The following MACROD2 variants were observed in gnomAD, a reference collection of about 807,000 sequenced individuals.
MACROD2 encodes ADP-ribose glycohydrolase MACROD2.
MACROD2 carries 36 observed loss-of-function variants against 70.4 expected under a neutral mutation model. The observed-to-expected ratio is 0.51, with a 90% confidence interval of 0.39 to 0.68. MACROD2 has a LOEUF of 0.68. Ranked by LOEUF, MACROD2 falls within the 30% of genes least tolerant of loss-of-function variation. MACROD2 has a pLI of 0.00. For synonymous variants in MACROD2, 172 were observed against 178.8 expected (o/e 0.96, Z 0.30); for missense variants, 496 against 538.4 (o/e 0.92, Z 0.78).
At chr20:15,755,005 T>C (rs537596910) in intron 8 of MACROD2, among the ~76,000 whole-genome samples, 102 of 152,152 alleles carry the variant, frequency 6.7e-4, no homozygotes, top group African/African-American at 2.4e-3. Flanking sequence ...ATTACAGGTG[T>C]GTACCACCAC....
intron 7 of MACROD2, among the ~76,000 whole-genome samples, chr20:15,490,460 T>C (rs1422374625): frequency 6.6e-6 from 1 of 152,022 alleles, no homozygotes; most frequent in African/African-American, 2.4e-5. Context: ...AAGATCTCTC[T>C]ATGTTGCCAA....
chr20:16,008,049 C>T (rs1001883443), intron 15 of MACROD2, among the ~76,000 whole-genome samples: 2 of 152,156 alleles, frequency 1.3e-5, no homozygotes, highest in Admixed American at 6.5e-5. Context: ...CACTATCTTT[C>T]GCAGGAGTTC....
intron 8 of MACROD2, among the ~76,000 whole-genome samples, chr20:15,852,170 T>A (rs1001947077): frequency 1.3e-5 from 2 of 152,192 alleles, no homozygotes; most frequent in Non-Finnish European, 2.9e-5. Flanking sequence ...TTGATCAATA[T>A]GAGGCAGGCT....
intron 5 of MACROD2, among the ~76,000 whole-genome samples, chr20:14,831,721 A>G (rs546929786): frequency 1.6e-5 from 2 of 123,590 alleles, no homozygotes; most frequent in Non-Finnish European, 3.2e-5. Flanking sequence ...CGGAGGTTGC[A>G]GTGAGCTGAG....
At position 15,719,548 on chromosome 20, in the gene MACROD2, A is replaced by G. The variant is rs538203079; in HGVS notation, c.646-143197A>G. Reference sequence around the variant, plus strand: ...AATGACCAATTTTAACTAAGCTTCAATGAAATGACCCACTTAATAAATTTA... The same window carrying G: ...AATGACCAATTTTAACTAAGCTTCAGTGAAATGACCCACTTAATAAATTTA... On this transcript the variant is annotated intron_variant, in intron 8 of 17. Transcript: ENST00000684519. Among the ~76,000 whole-genome samples the G allele has an allele frequency of 4.6e-5, 7 of 152,344 alleles. No individual in the cohort carries two copies. In the East Asian group the frequency reaches 7.7e-4, roughly 17 times the overall value.
At chr20:14,382,499 T>G (rs904140541) in intron 3 of MACROD2, among the ~76,000 whole-genome samples, 2 of 151,732 alleles carry the variant, frequency 1.3e-5, no homozygotes, top group African/African-American at 4.8e-5. Context: ...AGAAACCCTG[T>G]CTCTACTAAA....
In MACROD2 at chr20:14,351,814, C is replaced by G. The variant is rs1650107874; in HGVS notation, c.272-141665C>G. On this transcript the variant is annotated intron_variant, in intron 3 of 17. Coordinates refer to ENST00000684519, the MANE Select transcript of MACROD2 (RefSeq NM_001351661.2). ...GAGAGTGGGCATCCTTGTCATGTTACAGATCTAAAAGGAAAGGCTTTCCTC... is the reference window on the plus strand; with the variant it reads ...GAGAGTGGGCATCCTTGTCATGTTAGAGATCTAAAAGGAAAGGCTTTCCTC... Among the ~76,000 whole-genome samples the G allele has an allele frequency of 3.3e-5, 5 of 152,236 alleles. 1 individual carries two copies. In the South Asian group the frequency reaches 1.0e-3, roughly 32 times the overall value.
intron 6 of MACROD2, among the ~76,000 whole-genome samples, chr20:15,382,517 A>G (rs1392349087): frequency 6.6e-6 from 1 of 152,240 alleles, no homozygotes; most frequent in African/African-American, 2.4e-5. Flanking sequence ...TATTAATTGT[A>G]TGAATAAACG....
intron 2 of MACROD2, among the ~76,000 whole-genome samples, chr20:14,027,602 C>T (rs993198010): frequency 2.0e-4 from 30 of 152,024 alleles, no homozygotes; most frequent in Non-Finnish European, 3.4e-4. Flanking sequence ...GTGATGTGGA[C>T]GTCCTTTTTG....
intron 11 of MACROD2, 120 bp from the exon 12 acceptor site, chr20:15,937,356 A>G: frequency 1.2e-6 from 1 of 835,326 alleles, no homozygotes; most frequent in Non-Finnish European, 2.0e-6. Flanking sequence ...AGTGTATTCA[A>G]GCATGCGGCA....
intron 5 of MACROD2, among the ~76,000 whole-genome samples, chr20:15,184,918 A>G (rs2076524659): frequency 6.6e-6 from 1 of 152,174 alleles, no homozygotes; most frequent in African/African-American, 2.4e-5. Context: ...GATGACCTCC[A>G]TATCTTTCGG....
intron 8 of MACROD2, among the ~76,000 whole-genome samples, chr20:15,569,445 T>C (rs1285799054): frequency 6.6e-6 from 1 of 152,190 alleles, no homozygotes; most frequent in East Asian, 1.9e-4. Context: ...TACAATCTGT[T>C]GTTATTAACT....
At chr20:15,718,948 A>G (rs2050745495) in intron 8 of MACROD2, among the ~76,000 whole-genome samples, 1 of 152,208 alleles carries the variant, frequency 6.6e-6, no homozygotes, top group South Asian at 2.1e-4. Context: ...CACTCTGCAC[A>G]TTAAAGGTTC....
intron 7 of MACROD2, among the ~76,000 whole-genome samples, chr20:15,449,821 C>T (rs1441572215): frequency 1.3e-5 from 2 of 151,942 alleles, no homozygotes; most frequent in Admixed American, 6.6e-5. Context: ...AGTGAAAACC[C>T]GTCTCTACTA....
intron 4 of MACROD2, among the ~76,000 whole-genome samples, chr20:14,521,528 T>C (rs569913786): frequency 6.6e-6 from 1 of 152,338 alleles, no homozygotes; most frequent in Non-Finnish European, 1.5e-5. Context: ...CAGTGATGAC[T>C]ATATTATTTT....
rs535766296 is a variant in MACROD2 at position 14,977,449 on chromosome 20, TAAAAG to T, written c.419-252486_419-252482del. Among the ~76,000 whole-genome samples the T allele has an allele frequency of 6.5e-3, 864 of 132,844 alleles. 7 individuals are homozygous for T. The highest frequency in any genetic ancestry group is 0.025 in the African/African-American group (838 of 33,660). The allele number at this position is 132,844 out of a possible 152,430, so 87.2% of individuals were successfully genotyped here. A position where few individuals can be genotyped will look rare whatever the true frequency, so the allele number is the denominator to read the frequency against. On this transcript the variant is annotated intron_variant, in intron 5 of 17. Coordinates refer to ENST00000684519, the MANE Select transcript of MACROD2 (RefSeq NM_001351661.2). Reference sequence around the variant, plus strand: ...TACAAGAGTTCTGAAATTTAAAAAATAAAAGAAAAAGATACACACACACACACACA... The same window carrying T: ...TACAAGAGTTCTGAAATTTAAAAAATAAAAAGATACACACACACACACACA...
intron 3 of MACROD2, among the ~76,000 whole-genome samples, chr20:14,456,682 C>G (rs2084305545): frequency 7.0e-6 from 1 of 142,164 alleles, no homozygotes; most frequent in African/African-American, 2.6e-5. Context: ...TGATAGTGAA[C>G]AAAACATACA....
At chr20:14,981,922 T>C (rs557346077) in intron 5 of MACROD2, among the ~76,000 whole-genome samples, 1 of 152,256 alleles carries the variant, frequency 6.6e-6, no homozygotes, top group South Asian at 2.1e-4. Context: ...AGGCAGAGGT[T>C]GGAACAGTTT....
At chr20:14,210,594 G>A (rs1181835907) in intron 3 of MACROD2, among the ~76,000 whole-genome samples, 3 of 152,154 alleles carry the variant, frequency 2.0e-5, no homozygotes, top group Non-Finnish European at 2.9e-5. Flanking sequence ...TGTTTTCCTG[G>A]TGGTTTTTGG....
Sources: allele counts gnomAD v4.1 joint callset (sites outside exome capture counted in the v4.1 genomes callset), GRCh38; gene constraint gnomAD v4.1.1; transcripts MANE v1.5; gene names NCBI Gene and HGNC (gene_info 2026-07-23, HGNC 2026-07-21).